Variants in CSNK1G1 observed in about 807,000 individuals in gnomAD.
CSNK1G1 encodes the protein casein kinase 1 gamma 1, also known as casein kinase I isoform gamma-1.
In CSNK1G1, 22 loss-of-function variants were observed where a neutral mutation model predicts 59.6. The observed-to-expected ratio is 0.37, with a 90% CI of 0.26 to 0.53. The LOEUF is 0.53. Ranked by LOEUF, CSNK1G1 falls within the 20% of genes least tolerant of loss-of-function variation. CSNK1G1 has a pLI of 0.89. For synonymous variants in CSNK1G1, 179 were observed against 177.1 expected (o/e 1.01, Z -0.08); for missense variants, 384 against 519.5 (o/e 0.74, Z 2.54).
chr15:64,185,230 C>A (rs2081875820), intron 10 of CSNK1G1, among the ~76,000 whole-genome samples: 1 of 152,194 alleles, frequency 6.6e-6, no homozygotes, highest in Non-Finnish European at 1.5e-5. Context: ...CACTCCCTCC[C>A]AGGGTCATGG....
chr15:64,229,033 A>AG (rs953890975), intron 4 of CSNK1G1, among the ~76,000 whole-genome samples: 5 of 151,734 alleles, frequency 3.3e-5, no homozygotes, highest in African/African-American at 9.7e-5. Flanking sequence ...AAAAAAAAAA[A>AG]AAAAAGAAAA....
At chr15:64,288,550 T>TTA (rs142481097) in intron 2 of CSNK1G1, among the ~76,000 whole-genome samples, 41 of 151,376 alleles carry the variant, frequency 2.7e-4, no homozygotes, top group Admixed American at 4.6e-4. Flanking sequence ...CTTTATAAAG[T>TTA]TATATATATA....
At chr15:64,196,816 T>C (rs1301892980) in intron 10 of CSNK1G1, among the ~76,000 whole-genome samples, 1 of 150,528 alleles carries the variant, frequency 6.6e-6, no homozygotes, top group Non-Finnish European at 1.5e-5. Context: ...TAAACACCCC[T>C]CCCCTTGAGC....
chr15:64,350,096 T>C (rs1898198907), intron 1 of CSNK1G1, among the ~76,000 whole-genome samples: 1 of 152,184 alleles, frequency 6.6e-6, no homozygotes, highest in Non-Finnish European at 1.5e-5. Flanking sequence ...GCTTCTTTTC[T>C]GGTTTTAAGA....
chr15:64,202,762 C>T (rs2082124482), intron 10 of CSNK1G1, among the ~76,000 whole-genome samples: 1 of 152,088 alleles, frequency 6.6e-6, no homozygotes, highest in Admixed American at 6.6e-5. Context: ...CCATCTTGCC[C>T]AGGCTGGTCT....
At position 64,267,623 on chromosome 15, in the gene CSNK1G1, C is replaced by G. The variant is rs111438141; in HGVS notation, c.182-8382G>C. Among the ~76,000 whole-genome samples the G allele has an allele frequency of 6.9e-3, 1,053 of 152,208 alleles. 11 individuals are homozygous for G. The highest frequency in any genetic ancestry group is 0.017 in the African/African-American group (710 of 41,522). On this transcript the variant is annotated intron_variant, in intron 2 of 11. Transcript: ENST00000303052. ...AACCACAATGAGAAACCACCTCACT[C>G]CAGTTAAAATGGCAATTATCAAAAA...
At chr15:64,252,343 TG>T (rs1025658574) in intron 3 of CSNK1G1, among the ~76,000 whole-genome samples, 1 of 152,034 alleles carries the variant, frequency 6.6e-6, no homozygotes, top group African/African-American at 2.4e-5. Flanking sequence ...CCCGAGTGGC[TG>T]GGACCACAAG....
Position 64,277,958 on chromosome 15 carries a change from T to C in CSNK1G1, c.182-18717A>G, listed in dbSNP as rs575163020. ...AATAATATATTAATATTGATATAGT[T>C]GAATAATATATTAATATTGATATAT... On this transcript the variant is annotated intron_variant, in intron 2 of 11. Coordinates refer to ENST00000303052, the MANE Select transcript of CSNK1G1 (RefSeq NM_022048.5). 8.9e-5 allele frequency among the ~76,000 whole-genome samples: 13 copies of C among 145,586 alleles called. No individual in the cohort carries two copies. The East Asian group carries it at 2.5e-3, about 29-fold the overall frequency.
chr15:64,288,596 G>GTA (rs749748985), intron 2 of CSNK1G1, among the ~76,000 whole-genome samples: 99 of 150,772 alleles, frequency 6.6e-4, no homozygotes, highest in East Asian at 1.6e-3. Flanking sequence ...GTGTGCATGT[G>GTA]TATATATATA....
At position 64,207,541 on chromosome 15, in the gene CSNK1G1, G is replaced by A; in HGVS notation, c.733C>T (p.Leu245Phe). 1.9e-6 allele frequency: 3 copies of A among 1,613,998 alleles called. No homozygotes were observed. Among genetic ancestry groups the A allele is most frequent in the Non-Finnish European group, 2.5e-6 (3 of 1,179,940 alleles). ...CCTTGCCAGGGGAGGCTGCCTCGAA[G>A]GAAATACATGAACATATGGCCTAGG... ...EALGHMFMYF[L>F]RGSLPWQGLK... The change falls in exon 7 of 12, where the codon CTT becomes TTT. Residue 245 changes from leucine (L) to phenylalanine (F), a missense_variant. Around this residue, in one of 3 missense-constraint regions of CSNK1G1, gnomAD observed 325 missense variants for 440.9 expected, o/e 0.74. Transcript: ENST00000303052.
intron 2 of CSNK1G1, among the ~76,000 whole-genome samples, chr15:64,292,524 C>G (rs1894799150): frequency 6.6e-6 from 1 of 152,214 alleles, no homozygotes; most frequent in African/African-American, 2.4e-5. Context: ...TCCTCTCACT[C>G]TATCCTACTT....
At chr15:64,304,382 T>A (rs1180423476) in intron 1 of CSNK1G1, among the ~76,000 whole-genome samples, 22 of 17,250 alleles carry the variant, frequency 1.3e-3, no homozygotes, top group Admixed American at 3.9e-3. Context: ...AAACTCCACC[T>A]CAAAAAAAAA....
At chr15:64,186,638 C>T (rs1478618809) in intron 10 of CSNK1G1, among the ~76,000 whole-genome samples, 1 of 151,944 alleles carries the variant, frequency 6.6e-6, no homozygotes, top group Non-Finnish European at 1.5e-5. Flanking sequence ...GCCTTCCTGG[C>T]AGCCAGGACT....
chr15:64,345,617 T>C (rs1897912568), intron 1 of CSNK1G1, among the ~76,000 whole-genome samples: 1 of 152,184 alleles, frequency 6.6e-6, no homozygotes, highest in Non-Finnish European at 1.5e-5. Context: ...AGTTGTCAAT[T>C]AAGACCTAAT....
At chr15:64,189,758 G>A (rs2081945111) in intron 10 of CSNK1G1, among the ~76,000 whole-genome samples, 1 of 150,974 alleles carries the variant, frequency 6.6e-6, no homozygotes, top group Admixed American at 6.6e-5. Flanking sequence ...TCACCCGTAA[G>A]TCACCAAAAA....
intron 7 of CSNK1G1, 61 bp downstream of exon 7, chr15:64,207,448 G>C (rs920367956): frequency 6.4e-6 from 8 of 1,242,784 alleles, no homozygotes; most frequent in South Asian, 2.4e-5. Flanking sequence ...GAAGCCAGAG[G>C]CTCCTTCATT....
chr15:64,168,420 C>T lies in CSNK1G1; in HGVS notation c.*3511G>A, dbSNP rs1403927754. On this transcript the variant is annotated 3_prime_UTR_variant, in exon 12 of 12. Coordinates refer to ENST00000303052, the MANE Select transcript of CSNK1G1 (RefSeq NM_022048.5). ...TCTTACTGCAGAGACACAAGTGATA[C>T]CCTGGTCAAAAGGGAGTAGGGGGGA... 6.6e-6 allele frequency: 1 copy of T among 152,288 alleles called. No individual in the cohort carries two copies. Among genetic ancestry groups the T allele is most frequent in the African/African-American group, 2.4e-5 (1 of 41,438 alleles). The allele number at this position is 152,288 out of a possible 1,614,324, so 9.4% of individuals were successfully genotyped here.
intron 2 of CSNK1G1, among the ~76,000 whole-genome samples, chr15:64,298,790 G>T (rs1475995329): frequency 1.3e-5 from 2 of 151,992 alleles, no homozygotes; most frequent in African/African-American, 4.8e-5. Context: ...CAGCACTTTG[G>T]GAGGCCGAGG....
At chr15:64,277,866 T>G (rs909669502) in intron 2 of CSNK1G1, among the ~76,000 whole-genome samples, 3 of 141,158 alleles carry the variant, frequency 2.1e-5, no homozygotes, top group African/African-American at 7.8e-5. Context: ...ATTGATATAT[T>G]TAATAATAAT....
Sources: allele counts gnomAD v4.1 joint callset (sites outside exome capture counted in the v4.1 genomes callset), GRCh38; gene constraint gnomAD v4.1.1; regional missense constraint gnomAD v4.1.1; transcripts MANE v1.5; gene names NCBI Gene and HGNC (gene_info 2026-07-23, HGNC 2026-07-21).